The following FAF1 variants were observed in gnomAD, a reference collection of about 807,000 sequenced individuals.
FAF1 encodes the protein Fas associated factor 1, also known as FAS-associated factor 1.
Under a neutral mutation model 92.5 loss-of-function variants are expected in FAF1, and 25 were observed. That is an observed-to-expected ratio of 0.27 (90% confidence interval 0.20 to 0.38). The LOEUF is 0.38. Ranked by LOEUF, FAF1 falls within the 10% of genes least tolerant of loss-of-function variation. FAF1 has a pLI of 1.00. For missense variants in FAF1, 636 were observed against 793.3 expected, an observed-to-expected ratio of 0.80 and a Z score of 2.38; for synonymous variants, 234 against 273.2, an observed-to-expected ratio of 0.86 and a Z score of 1.42.
At chr1:50,650,278 C>G (rs1654798209) in intron 8 of FAF1, among the ~76,000 whole-genome samples, 1 of 118,420 alleles carries the variant, frequency 8.4e-6, no homozygotes, top group African/African-American at 3.5e-5. Context: ...GAGCGAAACT[C>G]TGTCTCAAAA....
intron 7 of FAF1, among the ~76,000 whole-genome samples, chr1:50,671,680 A>AG (rs1655887471): frequency 1.3e-5 from 2 of 152,042 alleles, no homozygotes. Context: ...AATCACTACC[A>AG]GTCTCAGATT....
At chr1:50,727,762 T>C (rs561142378) in intron 6 of FAF1, among the ~76,000 whole-genome samples, 1 of 152,306 alleles carries the variant, frequency 6.6e-6, no homozygotes, top group East Asian at 1.9e-4. Flanking sequence ...GTGGGTATTG[T>C]CTAATCACCT....
Position 50,708,195 on chromosome 1 carries a change from G to A in FAF1, c.552-2304C>T, listed in dbSNP as rs187804225. Reference sequence around the variant, plus strand: ...GATTATTCTGGCTGCTCTGGCCACAGTGAGCAAAGACTGGGGGTAGGGAGA... The same window carrying A: ...GATTATTCTGGCTGCTCTGGCCACAATGAGCAAAGACTGGGGGTAGGGAGA... On this transcript the variant is annotated intron_variant, in intron 6 of 18. Transcript: ENST00000396153. Among the ~76,000 whole-genome samples the A allele has an allele frequency of 5.3e-5, 8 of 152,320 alleles. No homozygotes were observed. The East Asian group carries it at 5.8e-4, about 11-fold the overall frequency.
intron 1 of FAF1, among the ~76,000 whole-genome samples, chr1:50,939,817 GA>G (rs1295396075): frequency 6.6e-6 from 1 of 152,144 alleles, no homozygotes; most frequent in Non-Finnish European, 1.5e-5. Flanking sequence ...TTTATGTGGT[GA>G]ATCACATTTA....
chr1:50,825,019 T>C (rs1479512399), intron 2 of FAF1, among the ~76,000 whole-genome samples: 1 of 152,078 alleles, frequency 6.6e-6, no homozygotes, highest in African/African-American at 2.4e-5. Context: ...ACAGAAGCAG[T>C]AATTTCTAGT....
chr1:50,732,363 C>T (rs1019495002), intron 6 of FAF1, among the ~76,000 whole-genome samples: 3 of 152,166 alleles, frequency 2.0e-5, no homozygotes, highest in Non-Finnish European at 4.4e-5. Flanking sequence ...GCATGAGCCA[C>T]CACACCTGGC....
intron 18 of FAF1, among the ~76,000 whole-genome samples, chr1:50,455,078 T>C (rs1163068679): frequency 3.9e-5 from 6 of 152,220 alleles, no homozygotes; most frequent in Admixed American, 1.3e-4. Context: ...GCAGACTCCG[T>C]TGGTGATACC....
intron 12 of FAF1, among the ~76,000 whole-genome samples, chr1:50,582,188 T>C (rs766688118): frequency 5.3e-5 from 8 of 152,124 alleles, no homozygotes; most frequent in Non-Finnish European, 1.0e-4. Context: ...CTGAAAAGAA[T>C]ACAAATATGT....
At chr1:50,732,189 C>T (rs1042134285) in intron 6 of FAF1, among the ~76,000 whole-genome samples, 6 of 152,140 alleles carry the variant, frequency 3.9e-5, no homozygotes, top group African/African-American at 7.2e-5. Context: ...ATTCTCCCAC[C>T]TCAGCCTCCC....
chr1:50,899,702 C>CG (rs1644781788), intron 1 of FAF1, among the ~76,000 whole-genome samples: 1 of 152,126 alleles, frequency 6.6e-6, no homozygotes, highest in Non-Finnish European at 1.5e-5. Flanking sequence ...CCACCCACCT[C>CG]GCCTCCCAAA....
At chr1:50,798,161 T>C (rs961655995) in intron 3 of FAF1, among the ~76,000 whole-genome samples, 10 of 152,096 alleles carry the variant, frequency 6.6e-5, no homozygotes, top group South Asian at 2.1e-4. Flanking sequence ...AAGCAATACA[T>C]AGAAACTAAC....
intron 1 of FAF1, among the ~76,000 whole-genome samples, chr1:50,891,302 G>A (rs573506888): frequency 2.0e-5 from 3 of 151,962 alleles, no homozygotes; most frequent in African/African-American, 2.4e-5. Context: ...AGATGGGTTC[G>A]AACATCTTCC....
intron 6 of FAF1, among the ~76,000 whole-genome samples, chr1:50,722,533 C>T (rs894862082): frequency 1.3e-5 from 2 of 151,774 alleles, no homozygotes; most frequent in Admixed American, 6.6e-5. Flanking sequence ...CCTGTAGTCC[C>T]GGCTACTCGG....
At chr1:50,522,391 G>C (rs531329461) in intron 15 of FAF1, among the ~76,000 whole-genome samples, 35 of 152,220 alleles carry the variant, frequency 2.3e-4, no homozygotes, top group Non-Finnish European at 2.4e-4. Context: ...CAGTAAATGG[G>C]GGCAATTACT....
At chr1:50,902,198 T>C (rs1557581834) in intron 1 of FAF1, among the ~76,000 whole-genome samples, 1 of 152,178 alleles carries the variant, frequency 6.6e-6, no homozygotes, top group Non-Finnish European at 1.5e-5. Flanking sequence ...TTAAAGGATT[T>C]TTTAAAACTA....
intron 9 of FAF1, among the ~76,000 whole-genome samples, chr1:50,593,972 T>A (rs1476369998): frequency 1.3e-5 from 2 of 152,214 alleles, no homozygotes; most frequent in African/African-American, 4.8e-5. Flanking sequence ...ATTTTTATCT[T>A]ACTAGCCTAA....
intron 8 of FAF1, among the ~76,000 whole-genome samples, chr1:50,634,686 C>T (rs1466597520): frequency 6.6e-6 from 1 of 152,158 alleles, no homozygotes; most frequent in Non-Finnish European, 1.5e-5. Context: ...GAATACTGGG[C>T]TAGCAGTTAT....
intron 12 of FAF1, among the ~76,000 whole-genome samples, chr1:50,580,423 G>T (rs1455935070): frequency 6.6e-6 from 1 of 151,778 alleles, no homozygotes; most frequent in Non-Finnish European, 1.5e-5. Context: ...ACTCCATTAA[G>T]ACTTTGAGAT....
At chr1:50,697,696 A>G (rs909484204) in intron 7 of FAF1, among the ~76,000 whole-genome samples, 10 of 152,168 alleles carry the variant, frequency 6.6e-5, no homozygotes, top group African/African-American at 2.2e-4. Flanking sequence ...CCAGTACTCT[A>G]CTGTCTGGTC....
Sources: gnomAD v4.1 joint callset for allele counts (sites outside exome capture counted in the v4.1 genomes callset) on GRCh38, gnomAD v4.1.1 for gene constraint, MANE v1.5 for transcripts, NCBI Gene and HGNC (gene_info 2026-07-23, HGNC 2026-07-21) for gene names.